The following NCOR2 variants were observed in gnomAD, a reference collection of about 807,000 sequenced individuals.
NCOR2 encodes the protein CTG repeat protein 26.
A neutral mutation model predicts 262.9 loss-of-function variants in NCOR2; 81 were observed. That is an observed-to-expected ratio of 0.31 (90% confidence interval 0.26 to 0.37). The LOEUF is 0.37. Among genes scored for constraint, NCOR2 ranks in the 10% least tolerant of loss-of-function variants. The probability of loss-of-function intolerance (pLI) is 1.00; values close to 1 mark genes in which losing one functional copy is unlikely to be tolerated. For synonymous variants in NCOR2, 1,659 were observed against 1,559.3 expected, an observed-to-expected ratio of 1.06 and a Z score of -1.51; for missense variants, 3,385 against 3,621.4, an observed-to-expected ratio of 0.93 and a Z score of 1.68.
At chr12:124,563,567 G>A (rs1435655114) in intron 1 of NCOR2, among the ~76,000 whole-genome samples, 1 of 152,252 alleles carries the variant, frequency 6.6e-6, no homozygotes, top group African/African-American at 2.4e-5. Context: ...AGGGCAACGC[G>A]CCCAGCCTAT....
At chr12:124,407,013 G>A (rs1054815522) in intron 13 of NCOR2, among the ~76,000 whole-genome samples, 7 of 151,862 alleles carry the variant, frequency 4.6e-5, no homozygotes, top group African/African-American at 1.5e-4. Context: ...AAAGACAGAG[G>A]GAGTTTAAGT....
At position 124,332,209 on chromosome 12, in the gene NCOR2, C is replaced by A. The variant is rs2035258526; in HGVS notation, c.6904+110G>T. 3 of 1,398,662 alleles carry A rather than the reference C, an allele frequency of 2.1e-6. No homozygotes were observed. The South Asian group carries it at 3.7e-5, about 17-fold the overall frequency. The allele number at this position is 1,398,662 out of a possible 1,614,324, so 86.6% of individuals were successfully genotyped here. On this transcript the variant is annotated intron_variant, in intron 43 of 46. Transcript: ENST00000405201. ...GGAGGTGGTCAGCAGGGCCACTTAG[C>A]TTTCGAAGGTGCACCGTGGGTTTCT...
At chr12:124,354,331 C>A (rs2037769645) in intron 26 of NCOR2, 135 bp from the exon 29 acceptor site, 12 of 1,153,000 alleles carry the variant, frequency 1.0e-5, no homozygotes, top group South Asian at 1.0e-4. Context: ...GTCCCCCTAC[C>A]CCTAAATGGT....
chr12:124,354,647 A>G (rs2037798125), intron 25 of NCOR2, 65 bp from the exon 28 acceptor site: 72 of 1,421,226 alleles, frequency 5.1e-5, no homozygotes, highest in Non-Finnish European at 6.7e-5. Flanking sequence ...GCTTGTCCCC[A>G]CCCAACCTGA....
At chr12:124,428,066 T>TGG in intron 10 of NCOR2, among the ~76,000 whole-genome samples, 2 of 149,514 alleles carry the variant, frequency 1.3e-5, no homozygotes, top group African/African-American at 2.4e-5. Context: ...TGTGTGTGTG[T>TGG]GTGTGTGTGT....
chr12:124,453,170 G>A (rs1404260336), intron 6 of NCOR2, among the ~76,000 whole-genome samples: 1 of 152,212 alleles, frequency 6.6e-6, no homozygotes, highest in Non-Finnish European at 1.5e-5. Flanking sequence ...CCTCTGCAGA[G>A]AGGGCTGCAC....
chr12:124,519,561 G>GA (rs2050060140), intron 1 of NCOR2, among the ~76,000 whole-genome samples: 1 of 152,212 alleles, frequency 6.6e-6, no homozygotes, highest in Admixed American at 6.5e-5. Context: ...GGGCGCAGGG[G>GA]CGAGGCGGGG....
At chr12:124,373,846 T>C (rs796132758) in intron 19 of NCOR2, among the ~76,000 whole-genome samples, 1 of 5,006 alleles carries the variant, frequency 2.0e-4, no homozygotes, top group African/African-American at 2.6e-4. Flanking sequence ...TGGACAATCA[T>C]GAGGCCAGTG....
At chr12:124,552,827 C>G (rs1333703137) in intron 1 of NCOR2, among the ~76,000 whole-genome samples, 1 of 152,084 alleles carries the variant, frequency 6.6e-6, no homozygotes. Context: ...TAGCTGGGAC[C>G]ACAGGTACCA....
At chr12:124,364,622 G>A (rs573601439) in intron 20 of NCOR2, among the ~76,000 whole-genome samples, 18 of 152,298 alleles carry the variant, frequency 1.2e-4, no homozygotes, top group African/African-American at 1.7e-4. Context: ...CAAGCTGTTC[G>A]GTGGGTGCCG....
At chr12:124,434,932 G>T (rs1305422065) in intron 8 of NCOR2, among the ~76,000 whole-genome samples, 2 of 152,190 alleles carry the variant, frequency 1.3e-5, no homozygotes, top group Admixed American at 6.5e-5. Context: ...TTAGAATAAG[G>T]ACTTTGGATT....
intron 29 of NCOR2, 122 bp from the exon 32 acceptor site, chr12:124,348,033 G>A: frequency 1.4e-6 from 2 of 1,458,126 alleles, no homozygotes; most frequent in East Asian, 2.5e-5. Flanking sequence ...GTAGGACCCA[G>A]CACGGGAAGG....
Position 124,359,874 on chromosome 12 carries a change from G to A in NCOR2, c.3100+2252C>T, listed in dbSNP as rs531570241. On this transcript the variant is annotated intron_variant, in intron 22 of 46. Coordinates refer to ENST00000405201, the Ensembl canonical transcript of NCOR2. ...CTTCCTGAGAGACCAGAGAGGTAGC[G>A]CTGGGTGTCAAGTTCATGTGTGTCC... is the stretch of plus-strand genomic sequence containing the variant. Among the ~76,000 whole-genome samples, 13 of 152,384 alleles carry A rather than the reference G, an allele frequency of 8.5e-5. No homozygotes were observed. The East Asian group carries it at 1.5e-3, about 18-fold the overall frequency.
intron 28 of NCOR2, chr12:124,348,749 G>A (rs969878031): frequency 1.6e-5 from 3 of 188,340 alleles, no homozygotes; most frequent in Admixed American, 5.4e-5. Flanking sequence ...CACGTGCACC[G>A]ATACATCAGC....
chr12:124,332,337 G>T, exon 43 of NCOR2: 2 of 1,614,158 alleles, frequency 1.2e-6, no homozygotes, highest in Non-Finnish European at 1.7e-6. Context: ...GGCTCATTCC[G>T]GTTGTGGGTG....
chr12:124,333,131 T>C, exon 42 of NCOR2: 1 of 1,601,416 alleles, frequency 6.2e-7, no homozygotes, highest in Non-Finnish European at 8.5e-7. Flanking sequence ...CAGAAGTACC[T>C]GGGCTCCGTC....
intron 13 of NCOR2, among the ~76,000 whole-genome samples, chr12:124,418,953 C>A (rs2043060601): frequency 1.3e-5 from 2 of 152,132 alleles, no homozygotes; most frequent in Non-Finnish European, 2.9e-5. Context: ...CCGGCCCCCA[C>A]CCCAGCCACT....
In NCOR2 at chr12:124,355,617, G is replaced by A. The variant is rs201724484; in HGVS notation, c.3242-46C>T. On this transcript the variant is annotated intron_variant, in intron 23 of 46. Transcript: ENST00000405201. The stretch of plus-strand genomic sequence containing the variant: ...CATTGTGGGGCCCAGGAGCGGTCAC[G>A]TCCCTGCCGGACACACACTCCAGGC... 67 of 1,503,034 alleles carry A rather than the reference G, an allele frequency of 4.5e-5. No homozygotes were observed. The East Asian group carries it at 6.8e-4, about 15-fold the overall frequency. The allele number at this position is 1,503,034 out of a possible 1,614,324, so 93.1% of individuals were successfully genotyped here. A position where few individuals can be genotyped will look rare whatever the true frequency, so the allele number is the denominator to read the frequency against.
intron 21 of NCOR2, among the ~76,000 whole-genome samples, chr12:124,363,103 T>C (rs565214137): frequency 4.6e-5 from 7 of 152,256 alleles, no homozygotes; most frequent in Non-Finnish European, 7.3e-5. Flanking sequence ...AGCAACAGGA[T>C]TCTGTGGGCC....
Sources: gnomAD v4.1 joint callset for allele counts (sites outside exome capture counted in the v4.1 genomes callset) on GRCh38, gnomAD v4.1.1 for gene constraint, MANE v1.5 for transcripts, NCBI Gene and HGNC (gene_info 2026-07-23, HGNC 2026-07-21) for gene names.